ITFG1: variants seen among roughly 807,000 people sequenced by gnomAD.
The protein encoded by ITFG1 is T-cell immunomodulatory protein.
Under a neutral mutation model 81.8 loss-of-function variants are expected in ITFG1, and 34 were observed. The ratio of observed to expected loss-of-function variants is 0.42; its 90% CI spans 0.32 to 0.55. The LOEUF (loss-of-function observed/expected upper bound fraction) is 0.55, where lower values mean the gene tolerates loss of function less well. Among genes scored for constraint, ITFG1 ranks in the 20% least tolerant of loss-of-function variants. ITFG1 has a pLI of 0.17. For missense variants in ITFG1, 672 were observed against 755.4 expected (o/e 0.89, Z 1.29); for synonymous variants, 285 against 270.6 (o/e 1.05, Z -0.52).
At chr16:47,419,340 C>T (rs1356986789) in intron 6 of ITFG1, among the ~76,000 whole-genome samples, 1 of 152,058 alleles carries the variant, frequency 6.6e-6, no homozygotes, top group Non-Finnish European at 1.5e-5. Context: ...ATAATCATTG[C>T]TCACTGCAGC....
chr16:47,225,450 T>C (rs978160990), intron 13 of ITFG1, among the ~76,000 whole-genome samples: 1 of 142,188 alleles, frequency 7.0e-6, no homozygotes, highest in East Asian at 2.1e-4. Context: ...TAGGGTAAAC[T>C]CAAAGAGATC....
intron 14 of ITFG1, among the ~76,000 whole-genome samples, chr16:47,168,286 G>C (rs1276563824): frequency 6.6e-6 from 1 of 152,036 alleles, no homozygotes; most frequent in Admixed American, 6.6e-5. Context: ...TTGTTGAATT[G>C]TAAACATTCT....
intron 6 of ITFG1, among the ~76,000 whole-genome samples, chr16:47,405,792 A>G (rs1452738676): frequency 2.6e-5 from 4 of 152,128 alleles, no homozygotes; most frequent in Admixed American, 6.5e-5. Context: ...TATTTCAGAT[A>G]AAGACTAAAC....
At chr16:47,414,239 G>C (rs1391626560) in intron 6 of ITFG1, among the ~76,000 whole-genome samples, 3 of 151,644 alleles carry the variant, frequency 2.0e-5, no homozygotes, top group African/African-American at 7.3e-5. Flanking sequence ...ATATGTAATG[G>C]AATAATACCA....
intron 14 of ITFG1, among the ~76,000 whole-genome samples, chr16:47,193,704 A>T (rs1965320408): frequency 6.6e-6 from 1 of 152,254 alleles, no homozygotes; most frequent in Non-Finnish European, 1.5e-5. Flanking sequence ...AAATAAATAA[A>T]TACAAATAAA....
At chr16:47,207,185 C>T (rs1965509541) in intron 14 of ITFG1, among the ~76,000 whole-genome samples, 1 of 152,172 alleles carries the variant, frequency 6.6e-6, no homozygotes, top group Non-Finnish European at 1.5e-5. Flanking sequence ...CAGGTTCATG[C>T]CATTCTCCCG....
chr16:47,271,578 T>TGG (rs1966340602), intron 10 of ITFG1, among the ~76,000 whole-genome samples: 1 of 152,184 alleles, frequency 6.6e-6, no homozygotes, highest in Non-Finnish European at 1.5e-5. Context: ...AACAGAGTTC[T>TGG]GGCCGGGGCA....
At chr16:47,428,590 C>G (rs1969053533) in intron 6 of ITFG1, among the ~76,000 whole-genome samples, 1 of 152,102 alleles carries the variant, frequency 6.6e-6, no homozygotes, top group Non-Finnish European at 1.5e-5. Flanking sequence ...AATTCTGAGG[C>G]AGTTATTAAT....
intron 9 of ITFG1, 44 bp from the exon 10 acceptor site, chr16:47,311,456 A>T (rs1330453023): frequency 7.0e-7 from 1 of 1,427,432 alleles, no homozygotes; most frequent in African/African-American, 1.5e-5. Flanking sequence ...GTTATTTTAT[A>T]AAAAAATTTA....
chr16:47,428,245 TTA>T (rs1483432150), intron 6 of ITFG1, among the ~76,000 whole-genome samples: 4 of 152,208 alleles, frequency 2.6e-5, no homozygotes, highest in African/African-American at 4.8e-5. Context: ...AAAAGTGAAA[TTA>T]TATGTTTGGG....
intron 6 of ITFG1, among the ~76,000 whole-genome samples, chr16:47,415,707 TA>T (rs1171554718): frequency 6.6e-6 from 1 of 152,060 alleles, no homozygotes; most frequent in Non-Finnish European, 1.5e-5. Flanking sequence ...CATCCAATGA[TA>T]ATTCAAAAAA....
intron 10 of ITFG1, among the ~76,000 whole-genome samples, chr16:47,269,274 G>C (rs1387399727): frequency 1.3e-5 from 2 of 151,876 alleles, no homozygotes; most frequent in African/African-American, 2.4e-5. Flanking sequence ...TGAGATCTAG[G>C]AAAAAATTAC....
chr16:47,309,242 T>C (rs1596880937), intron 10 of ITFG1, among the ~76,000 whole-genome samples: 1 of 152,172 alleles, frequency 6.6e-6, no homozygotes, highest in South Asian at 2.1e-4. Flanking sequence ...CTAATTTTTA[T>C]ATTTTTAATA....
intron 13 of ITFG1, among the ~76,000 whole-genome samples, chr16:47,222,106 A>G (rs1022881772): frequency 2.0e-5 from 3 of 151,432 alleles, no homozygotes; most frequent in African/African-American, 7.3e-5. Context: ...CTCTGATTTT[A>G]GTTATTTCTT....
rs998538338 is a variant in ITFG1, at chr16:47,443,668, C to T, written c.560+7728G>A. 5.9e-5 allele frequency among the ~76,000 whole-genome samples: 9 copies of T among 151,954 alleles called. 1 individual carries two copies. The highest frequency in any genetic ancestry group is 1.2e-4 in the African/African-American group (5 of 41,356). ...CAAGGAGAAAAAACCAAACACCGCACGTTCTCACTCATAAGTGAGAACTGA... is the reference window on the plus strand; with the variant it reads ...CAAGGAGAAAAAACCAAACACCGCATGTTCTCACTCATAAGTGAGAACTGA... On this transcript the variant is annotated intron_variant, in intron 5 of 17. Transcript: ENST00000320640.
intron 5 of ITFG1, among the ~76,000 whole-genome samples, chr16:47,442,846 G>T (rs971553200): frequency 6.6e-6 from 1 of 152,148 alleles, no homozygotes; most frequent in African/African-American, 2.4e-5. Context: ...CATGGGCAAG[G>T]ACTGCATATC....
chr16:47,231,788 T>C (rs1003231791), intron 13 of ITFG1, among the ~76,000 whole-genome samples: 1 of 152,228 alleles, frequency 6.6e-6, no homozygotes, highest in African/African-American at 2.4e-5. Flanking sequence ...GGTAATGTGA[T>C]AGGCAGAATA....
chr16:47,459,573 T>C (rs1969497274), intron 1 of ITFG1, among the ~76,000 whole-genome samples: 1 of 152,202 alleles, frequency 6.6e-6, no homozygotes, highest in African/African-American at 2.4e-5. Flanking sequence ...ATTACACAGA[T>C]GCATCACACC....
chr16:47,272,041 G>T (rs532022220), intron 10 of ITFG1, among the ~76,000 whole-genome samples: 6 of 152,292 alleles, frequency 3.9e-5, no homozygotes, highest in Non-Finnish European at 7.4e-5. Context: ...GATGAATAAT[G>T]AAATGTAGTA....
Sources: gnomAD v4.1 joint callset for allele counts (sites outside exome capture counted in the v4.1 genomes callset) on GRCh38, gnomAD v4.1.1 for gene constraint, MANE v1.5 for transcripts, NCBI Gene and HGNC (gene_info 2026-07-23, HGNC 2026-07-21) for gene names.